The following CDH10 variants were observed in gnomAD, a reference collection of about 807,000 sequenced individuals.
CDH10 encodes cadherin-10.
CDH10 carries 30 observed loss-of-function variants against 73.1 expected under a neutral mutation model. That is an observed-to-expected ratio of 0.41 (90% CI 0.31 to 0.56). The LOEUF (loss-of-function observed/expected upper bound fraction) is 0.56. CDH10 is among the 20% of genes least tolerant of loss of function. CDH10 has a pLI of 0.27. For synonymous variants in CDH10, 345 were observed against 348.2 expected (o/e 0.99, Z 0.10); for missense variants, 815 against 973.7 (o/e 0.84, Z 2.17).
intron 5 of CDH10, among the ~76,000 whole-genome samples, chr5:24,523,955 A>C (rs1743431385): frequency 6.6e-6 from 1 of 152,124 alleles, no homozygotes; most frequent in African/African-American, 2.4e-5. Flanking sequence ...TGTCTGAAGA[A>C]ATATAGATGG....
chr5:24,550,997 T>C (rs1265676625), intron 2 of CDH10, among the ~76,000 whole-genome samples: 1 of 152,132 alleles, frequency 6.6e-6, no homozygotes, highest in African/African-American at 2.4e-5. Context: ...TTAAATGCAT[T>C]GGCACTCCTC....
chr5:24,587,887 A>G (rs907764989), intron 2 of CDH10, among the ~76,000 whole-genome samples: 3 of 152,124 alleles, frequency 2.0e-5, no homozygotes, highest in African/African-American at 7.2e-5. Context: ...TCCCTACATA[A>G]CTGCTAGCTA....
In CDH10 at chr5:24,491,479, TG is replaced by T. The variant is rs1338943077; in HGVS notation, c.1876+96del. The stretch of plus-strand genomic sequence containing the variant: ...GTTAATTTATGTCTATCTTAAAATT[TG>T]GGGTGGTTTTGGGGGAGGGATTTTA... On this transcript the variant is annotated intron_variant, in intron 11 of 11. Coordinates refer to ENST00000264463, the MANE Select transcript of CDH10 (RefSeq NM_006727.5). 7 of 943,872 alleles carry T rather than the reference TG, an allele frequency of 7.4e-6. No individual in the cohort carries two copies. In the East Asian group the frequency reaches 1.2e-4, roughly 16 times the overall value. The allele number at this position is 943,872 out of a possible 1,614,324, so 58.5% of individuals were successfully genotyped here.
At chr5:24,634,056 C>T (rs1005537550) in intron 1 of CDH10, among the ~76,000 whole-genome samples, 4 of 151,704 alleles carry the variant, frequency 2.6e-5, no homozygotes, top group Non-Finnish European at 4.4e-5. Context: ...CCTCTGATCA[C>T]GTTGTGAAGC....
chr5:24,569,761 G>A (rs1745301729), intron 2 of CDH10, among the ~76,000 whole-genome samples: 1 of 150,054 alleles, frequency 6.7e-6, no homozygotes, highest in African/African-American at 2.5e-5. Flanking sequence ...GTGAACAAAT[G>A]TGTGCTTTTT....
intron 3 of CDH10, 42 bp from the exon 4 acceptor site, chr5:24,535,864 A>G (rs758008180): frequency 6.8e-7 from 1 of 1,475,422 alleles, no homozygotes; most frequent in East Asian, 2.3e-5. Context: ...CAGTACCAGA[A>G]GGAGGAGCAA....
At chr5:24,563,305 C>T (rs1745028374) in intron 2 of CDH10, among the ~76,000 whole-genome samples, 1 of 151,988 alleles carries the variant, frequency 6.6e-6, no homozygotes, top group Non-Finnish European at 1.5e-5. Context: ...ATCACAGAAA[C>T]GGTGCTATGT....
chr5:24,614,554 G>C (rs959479585), intron 1 of CDH10, among the ~76,000 whole-genome samples: 1 of 152,134 alleles, frequency 6.6e-6, no homozygotes, highest in Non-Finnish European at 1.5e-5. Context: ...CCAATAAAAT[G>C]GGTCAGGGAT....
At chr5:24,642,328 C>T (rs1748081055) in intron 1 of CDH10, among the ~76,000 whole-genome samples, 1 of 151,960 alleles carries the variant, frequency 6.6e-6, no homozygotes, top group Non-Finnish European at 1.5e-5. Flanking sequence ...CAGAAATCCC[C>T]CAGATAGTAT....
intron 2 of CDH10, among the ~76,000 whole-genome samples, chr5:24,559,013 G>A (rs1744865068): frequency 6.6e-6 from 1 of 151,820 alleles, no homozygotes; most frequent in African/African-American, 2.4e-5. Context: ...TGCTTGGGGT[G>A]ATGTCATGGG....
intron 1 of CDH10, among the ~76,000 whole-genome samples, chr5:24,637,625 A>T (rs775494220): frequency 5.3e-5 from 8 of 151,954 alleles, no homozygotes; most frequent in Non-Finnish European, 1.2e-4. Context: ...ATTAATTAGG[A>T]GCTAAAGAAT....
At chr5:24,502,302 A>T (rs1246464325) in intron 8 of CDH10, among the ~76,000 whole-genome samples, 7 of 152,148 alleles carry the variant, frequency 4.6e-5, no homozygotes, top group Admixed American at 3.9e-4. Context: ...AATTACCTGG[A>T]GTGGTGCCTG....
At chr5:24,583,535 T>C (rs190983223) in intron 2 of CDH10, among the ~76,000 whole-genome samples, 30 of 152,294 alleles carry the variant, frequency 2.0e-4, no homozygotes, top group African/African-American at 7.2e-4. Flanking sequence ...GCAATCTTAG[T>C]TTTGTACTTA....
intron 1 of CDH10, among the ~76,000 whole-genome samples, chr5:24,601,028 A>G (rs530999698): frequency 6.6e-6 from 1 of 152,182 alleles, no homozygotes; most frequent in South Asian, 2.1e-4. Flanking sequence ...TACATTTTAC[A>G]ACTGCATTTA....
At chr5:24,523,461 T>A (rs930822178) in intron 5 of CDH10, among the ~76,000 whole-genome samples, 3 of 151,968 alleles carry the variant, frequency 2.0e-5, no homozygotes, top group Non-Finnish European at 2.9e-5. Context: ...GATAAAAAAA[T>A]TACCATATCA....
At chr5:24,521,437 T>C (rs1579754504) in intron 5 of CDH10, among the ~76,000 whole-genome samples, 1 of 152,128 alleles carries the variant, frequency 6.6e-6, no homozygotes, top group East Asian at 1.9e-4. Flanking sequence ...CTGACTAACA[T>C]GGAGAAACCT....
intron 7 of CDH10, among the ~76,000 whole-genome samples, chr5:24,508,534 T>C (rs926241392): frequency 6.6e-6 from 1 of 151,684 alleles, no homozygotes; most frequent in South Asian, 2.1e-4. Flanking sequence ...ACTTTTTTCT[T>C]TTTTTACAAA....
chr5:24,586,504 G>A (rs1374743357), intron 2 of CDH10, among the ~76,000 whole-genome samples: 1 of 144,932 alleles, frequency 6.9e-6, no homozygotes, highest in Non-Finnish European at 1.5e-5. Context: ...GTGCATTGGG[G>A]CAATCTCAAC....
In CDH10 at chr5:24,544,726, A is replaced by C. The variant is rs189997005; in HGVS notation, c.232-7052T>G. On this transcript the variant is annotated intron_variant, in intron 2 of 11. Transcript: ENST00000264463. ...GATGTAGGAGCTCTCTTTGAAGTCA[A>C]CTTGAATTACTCAAGAACCTACAAG... Among the ~76,000 whole-genome samples the C allele has an allele frequency of 2.0e-5, 3 of 152,304 alleles. No homozygotes were observed. The East Asian group carries it at 5.8e-4, about 29-fold the overall frequency.
Sources: allele counts gnomAD v4.1 joint callset (sites outside exome capture counted in the v4.1 genomes callset), GRCh38; gene constraint gnomAD v4.1.1; transcripts MANE v1.5; gene names NCBI Gene and HGNC (gene_info 2026-07-23, HGNC 2026-07-21).